CLVS1: variants seen among roughly 807,000 people sequenced by gnomAD.
CLVS1 encodes clavesin-1.
Under a neutral mutation model 33.1 loss-of-function variants are expected in CLVS1, and 10 were observed. That is an observed-to-expected ratio of 0.30 (90% CI 0.19 to 0.51). The LOEUF (loss-of-function observed/expected upper bound fraction) is 0.51, where lower values mean the gene tolerates loss of function less well. CLVS1 is among the 20% of genes least tolerant of loss of function. The pLI, the probability that CLVS1 is intolerant of heterozygous loss-of-function variation, is 0.97. For missense variants in CLVS1, 343 were observed against 433.4 expected (o/e 0.79, Z 1.85); for synonymous variants, 163 against 166.1 (o/e 0.98, Z 0.14).
chr8:61,237,474 T>C (rs897612321), intron 2 of CLVS1, among the ~76,000 whole-genome samples: 4 of 152,012 alleles, frequency 2.6e-5, no homozygotes, highest in African/African-American at 9.7e-5. Context: ...AGGAAGTTCA[T>C]GAAGAAAAGT....
chr8:61,369,660 T>C (rs1197366523), intron 2 of CLVS1, among the ~76,000 whole-genome samples: 1 of 152,220 alleles, frequency 6.6e-6, no homozygotes, highest in Admixed American at 6.5e-5. Flanking sequence ...ACACGTATTA[T>C]TTTGGATAGT....
chr8:61,022,427 T>C, the CLVS1 span, among the ~76,000 whole-genome samples: 1 of 152,254 alleles, frequency 6.6e-6, no homozygotes, highest in Non-Finnish European at 1.5e-5. Context: ...GTTTTTTCCC[T>C]AGGTTCCTAA....
intron 1 of CLVS1, among the ~76,000 whole-genome samples, chr8:61,107,694 C>A (rs1429850556): frequency 6.6e-6 from 1 of 152,252 alleles, no homozygotes; most frequent in Non-Finnish European, 1.5e-5. Context: ...ATGAGCATCG[C>A]TGCTTCATCT....
intron 2 of CLVS1, among the ~76,000 whole-genome samples, chr8:61,156,115 G>A (rs1401774086): frequency 6.6e-6 from 1 of 151,436 alleles, no homozygotes; most frequent in African/African-American, 2.4e-5. Context: ...TCAGTAGGCT[G>A]AGGCAGGAGG....
At chr8:61,002,437 TC>T in the CLVS1 span, among the ~76,000 whole-genome samples, 1 of 149,522 alleles carries the variant, frequency 6.7e-6, no homozygotes, top group African/African-American at 2.5e-5. Flanking sequence ...CAAGCGATTC[TC>T]CTCCCTCAGC....
intron 4 of CLVS1, among the ~76,000 whole-genome samples, chr8:61,456,213 C>T (rs1405185380): frequency 6.6e-6 from 1 of 152,182 alleles, no homozygotes; most frequent in Non-Finnish European, 1.5e-5. Context: ...CTGCATTCCT[C>T]CATTCCACAA....
At chr8:60,967,505 A>G in the CLVS1 span, 1 of 365,110 alleles carries the variant, frequency 2.7e-6, no homozygotes, top group African/African-American at 2.1e-5. Flanking sequence ...CCACGAGTGC[A>G]GTAGCCAGAC....
intron 5 of CLVS1, among the ~76,000 whole-genome samples, chr8:61,491,157 T>A (rs1255591933): frequency 6.6e-6 from 1 of 152,198 alleles, no homozygotes; most frequent in African/African-American, 2.4e-5. Flanking sequence ...ACTTAAAGTG[T>A]GAATTGTAGA....
At chr8:61,214,234 G>A (rs1457938139) in intron 2 of CLVS1, among the ~76,000 whole-genome samples, 1 of 152,124 alleles carries the variant, frequency 6.6e-6, no homozygotes, top group Non-Finnish European at 1.5e-5. Context: ...CTTGCCTTGT[G>A]ATATTCTATT....
chr8:61,033,251 A>G, the CLVS1 span, among the ~76,000 whole-genome samples: 2 of 152,170 alleles, frequency 1.3e-5, no homozygotes, highest in African/African-American at 2.4e-5. Context: ...CCAAAAAACC[A>G]ATAGCCACTG....
intron 1 of CLVS1, among the ~76,000 whole-genome samples, chr8:61,067,344 A>C (rs1294593834): frequency 6.6e-6 from 1 of 151,214 alleles, no homozygotes; most frequent in Admixed American, 6.6e-5. Flanking sequence ...ATGGTTGCTA[A>C]ATTATATATG....
intron 2 of CLVS1, among the ~76,000 whole-genome samples, chr8:61,357,517 T>TTTTTTTTTTTTTTTTTTTTTTTTTTTC (rs1454854753): frequency 8.0e-6 from 1 of 125,012 alleles, no homozygotes; most frequent in East Asian, 2.3e-4. Flanking sequence ...TTTTTTTTTT[T>TTTTTTTTTTTTTTTTTTTTTTTTTTTC]TTTTTGAGAT....
the CLVS1 span, among the ~76,000 whole-genome samples, chr8:60,982,805 C>T: frequency 6.6e-6 from 1 of 152,174 alleles, no homozygotes; most frequent in African/African-American, 2.4e-5. Context: ...GGCATGGTGG[C>T]TCATGCCTGT....
At chr8:61,273,940 A>T (rs1585740563) in intron 2 of CLVS1, 1 of 160,796 alleles carries the variant, frequency 6.2e-6, no homozygotes, top group East Asian at 1.9e-4. Flanking sequence ...AAATGCAGAA[A>T]TCACCCTCTT....
intron 2 of CLVS1, among the ~76,000 whole-genome samples, chr8:61,174,638 C>A (rs765810382): frequency 2.6e-5 from 4 of 152,140 alleles, no homozygotes; most frequent in Non-Finnish European, 5.9e-5. Context: ...TTATAAATTA[C>A]TGTGCCTCAT....
At chr8:61,258,922 CAG>C (rs748125814) in intron 2 of CLVS1, among the ~76,000 whole-genome samples, 2 of 152,072 alleles carry the variant, frequency 1.3e-5, no homozygotes, top group Non-Finnish European at 2.9e-5. Context: ...ATAGAGTAAA[CAG>C]AGAGGAGGAG....
intron 3 of CLVS1, among the ~76,000 whole-genome samples, chr8:61,379,372 C>T (rs543049171): frequency 1.3e-5 from 2 of 151,858 alleles, no homozygotes; most frequent in Non-Finnish European, 2.9e-5. Context: ...AACCCTCCCC[C>T]CCTTTCCCCA....
rs73682184 is a variant in CLVS1 at position 61,152,538 on chromosome 8, A to T, written c.-152+20678A>T. Among the ~76,000 whole-genome samples, 882 of 152,214 alleles carry T rather than the reference A, an allele frequency of 5.8e-3. 10 individuals carry two copies. The highest frequency in any genetic ancestry group is 0.02 in the African/African-American group (814 of 41,520). On this transcript the variant is annotated intron_variant, in intron 2 of 2. Coordinates refer to the CLVS1 transcript ENST00000522621. ...GATGGCGCCTTATCACCACGTCCTC[A>T]CAAGGCAGAAAGGGTCAATATTGTG...
intron 5 of CLVS1, among the ~76,000 whole-genome samples, chr8:61,493,635 A>G (rs1004049142): frequency 6.7e-6 from 1 of 149,218 alleles, no homozygotes; most frequent in Non-Finnish European, 1.5e-5. Flanking sequence ...TATTTGGGGG[A>G]AAAATCTGAG....
Sources: gnomAD v4.1 joint callset for allele counts (sites outside exome capture counted in the v4.1 genomes callset) on GRCh38, gnomAD v4.1.1 for gene constraint, MANE v1.5 for transcripts, NCBI Gene and HGNC (gene_info 2026-07-23, HGNC 2026-07-21) for gene names.